Variants in ZNF215 observed in about 807,000 individuals in gnomAD.
ZNF215 encodes BWSCR2-associated zinc finger protein 2.
In ZNF215, 24 loss-of-function variants were observed where a neutral mutation model predicts 27.2. The ratio of observed to expected loss-of-function variants is 0.88; its 90% CI spans 0.64 to 1.24. The LOEUF is 1.24. Ranked by LOEUF, ZNF215 falls within the 50% of genes most tolerant of loss-of-function variation. ZNF215 has a pLI of 0.00. For synonymous variants in ZNF215, 210 were observed against 204.0 expected (o/e 1.03, Z -0.25); for missense variants, 675 against 605.7 (o/e 1.11, Z -1.20).
Position 6,943,235 on chromosome 11 carries a change from C to A in ZNF215, c.616+20C>A. On this transcript the variant is annotated intron_variant, in intron 5 of 6. Coordinates refer to ENST00000278319, the MANE Select transcript of ZNF215 (RefSeq NM_013250.4). ...GTAAAGGTGGTTTCTATATGTTTAC[C>A]TAATCTGTCCATTTAGTAATCTCTT... is the stretch of plus-strand genomic sequence containing the variant. The A allele has an allele frequency of 2.5e-6, 4 of 1,597,048 alleles. No individual in the cohort carries two copies. The highest frequency in any genetic ancestry group is 3.4e-6 in the Non-Finnish European group (4 of 1,173,480).
chr11:6,983,084 C>T (rs1433321746), intron 5 of ZNF215, among the ~76,000 whole-genome samples: 3 of 151,630 alleles, frequency 2.0e-5, no homozygotes, highest in Non-Finnish European at 2.9e-5. Flanking sequence ...ATATCACCAC[C>T]GATTCCACAG....
chr11:6,937,864 G>A (rs1014298653), intron 3 of ZNF215, among the ~76,000 whole-genome samples: 3 of 151,810 alleles, frequency 2.0e-5, no homozygotes, highest in African/African-American at 4.8e-5. Context: ...TGGGTCAATT[G>A]TCTAAATATA....
chr11:6,956,347 T>A lies in ZNF215; in HGVS notation c.1370T>A (p.Phe457Tyr), dbSNP rs776478167. The A allele has an allele frequency of 6.2e-7, 1 of 1,614,144 alleles. No individual in the cohort carries two copies. The highest frequency in any genetic ancestry group is 1.7e-5 in the Admixed American group (1 of 60,016). Reference protein sequence around the residue: ...SEDSNNPTLHFGNNFYQCVNC... With the variant: ...SEDSNNPTLHYGNNFYQCVNC... Reference sequence around the variant, plus strand: ...GACAGTAATAATCCAACACTCCATTTTGGAAACAATTTCTATCAATGTGTT... The same window carrying A: ...GACAGTAATAATCCAACACTCCATTATGGAAACAATTTCTATCAATGTGTT... The change falls in exon 7 of 7, where the codon TTT becomes TAT. Residue 457 changes from phenylalanine (F) to tyrosine (Y), a missense_variant. Phe to Tyr is a conservative substitution (Grantham distance 22). Coordinates refer to ENST00000278319, the MANE Select transcript of ZNF215 (RefSeq NM_013250.4).
chr11:6,975,445 C>A (rs1406265244), intron 5 of ZNF215, among the ~76,000 whole-genome samples: 2 of 151,922 alleles, frequency 1.3e-5, no homozygotes, highest in East Asian at 3.9e-4. Context: ...TCCCATTGTG[C>A]TATCCAATAG....
intron 1 of ZNF215, among the ~76,000 whole-genome samples, chr11:6,927,384 A>C (rs1849090980): frequency 6.6e-6 from 1 of 152,218 alleles, no homozygotes; most frequent in African/African-American, 2.4e-5. Flanking sequence ...TACCTCAAGC[A>C]GCTGTCCTAC....
chr11:6,955,741 G>C lies in ZNF215; in HGVS notation c.764G>C (p.Arg255Thr). 1 of 1,603,568 alleles carries C rather than the reference G, an allele frequency of 6.2e-7. No homozygotes were observed. Among genetic ancestry groups the C allele is most frequent in the Non-Finnish European group, 8.5e-7 (1 of 1,176,856 alleles). Reference protein sequence around the residue: ...EESSHGVIMTRLTESGHPSSD... With the variant: ...EESSHGVIMTTLTESGHPSSD... ...TCATCCCATGGAGTGATTATGACAA[G>C]GCTTACCGAAAGTGGACACCCTTCT... Residue 255 changes from arginine (R) to threonine (T), a missense_variant, in exon 7 of 7, where the codon AGG (arginine) becomes ACG (threonine). Arg to Thr is a moderately conservative substitution (Grantham distance 71). Coordinates refer to ENST00000278319, the MANE Select transcript of ZNF215 (RefSeq NM_013250.4).
At chr11:6,936,011 C>T (rs1849424213) in intron 3 of ZNF215, among the ~76,000 whole-genome samples, 2 of 151,972 alleles carry the variant, frequency 1.3e-5, no homozygotes, top group South Asian at 4.1e-4. Flanking sequence ...AAAAATACAA[C>T]ATACCAAAAC....
At chr11:6,932,717 ATG>A in intron 3 of ZNF215, 45 bp downstream of exon 3, 1 of 1,526,704 alleles carries the variant, frequency 6.6e-7, no homozygotes, top group Non-Finnish European at 8.8e-7. Flanking sequence ...GACCTTTCCC[ATG>A]TAAAGAGAAA....
intron 5 of ZNF215, among the ~76,000 whole-genome samples, chr11:6,974,945 G>A (rs1427150661): frequency 2.2e-5 from 2 of 92,248 alleles, no homozygotes; most frequent in Non-Finnish European, 5.2e-5. Flanking sequence ...TAGGAGTGGT[G>A]AGAGAGGGCA....
At chr11:6,928,869 C>G (rs1849156198) in intron 2 of ZNF215, among the ~76,000 whole-genome samples, 1 of 152,256 alleles carries the variant, frequency 6.6e-6, no homozygotes, top group African/African-American at 2.4e-5. Context: ...AAAAGTGGAG[C>G]TAATGAGGCC....
chr11:6,940,029 C>T (rs891465488), intron 3 of ZNF215, among the ~76,000 whole-genome samples: 3 of 151,056 alleles, frequency 2.0e-5, no homozygotes, highest in African/African-American at 7.3e-5. Context: ...TCAACACCAG[C>T]CTGGGCAGCA....
chr11:6,973,568 G>A (rs1850766973), intron 5 of ZNF215, among the ~76,000 whole-genome samples: 1 of 152,122 alleles, frequency 6.6e-6, no homozygotes, highest in Non-Finnish European at 1.5e-5. Context: ...GTTGTTTCCT[G>A]ACTTTTTAAT....
chr11:6,952,403 T>G (rs1432970670), intron 6 of ZNF215, among the ~76,000 whole-genome samples: 1 of 152,204 alleles, frequency 6.6e-6, no homozygotes, highest in Non-Finnish European at 1.5e-5. Context: ...ACTTGCTTTA[T>G]GAATCTGGGT....
At chr11:6,984,502 A>G (rs1431649124) in exon 6 of ZNF215, 1 of 153,154 alleles carries the variant, frequency 6.5e-6, no homozygotes, top group Non-Finnish European at 1.5e-5. Flanking sequence ...ATGCACACGA[A>G]AATGTATGCA....
chr11:6,993,714 G>A (rs1005862934), downstream of ZNF215, among the ~76,000 whole-genome samples: 2 of 152,118 alleles, frequency 1.3e-5, no homozygotes, highest in Non-Finnish European at 2.9e-5. Flanking sequence ...TGATTGGCTT[G>A]CCTAGATTTT....
rs897166913 is a variant in ZNF215, at chr11:6,932,497, A to G, written c.225A>G (p.Gln75=). 1.2e-5 allele frequency: 19 copies of G among 1,614,082 alleles called. No homozygotes were observed. Among genetic ancestry groups the G allele is most frequent in the Non-Finnish European group, 1.4e-5 (17 of 1,180,038 alleles). ...ALSQLWELCL[Q]WLRPEIHTKK... ...GCCAACTCTGGGAGCTCTGTCTTCA[A>G]TGGCTGAGACCAGAGATTCATACAA... The change falls in exon 3 of 7, where the codon CAA becomes CAG. Residue 75 remains glutamine (Q), a synonymous_variant. Transcript: ENST00000278319.
chr11:6,934,371 G>C (rs564217797), intron 3 of ZNF215, among the ~76,000 whole-genome samples: 1 of 152,276 alleles, frequency 6.6e-6, no homozygotes, highest in African/African-American at 2.4e-5. Flanking sequence ...GTGCTTATTT[G>C]TAGTGAGTTA....
downstream of ZNF215, among the ~76,000 whole-genome samples, chr11:6,958,391 A>AT (rs1227866236): frequency 6.6e-6 from 1 of 152,112 alleles, no homozygotes; most frequent in Non-Finnish European, 1.5e-5. Flanking sequence ...TAAAATACTT[A>AT]TTTTTTTCTC....
At chr11:6,987,759 A>C (rs1177783921), downstream of ZNF215, among the ~76,000 whole-genome samples, 1 of 152,170 alleles carries the variant, frequency 6.6e-6, no homozygotes. Flanking sequence ...TCTAGTAACC[A>C]GTCAGTTGTT....
Sources: gnomAD v4.1 joint callset for allele counts (sites outside exome capture counted in the v4.1 genomes callset) on GRCh38, gnomAD v4.1.1 for gene constraint, MANE v1.5 for transcripts, NCBI Gene and HGNC (gene_info 2026-07-23, HGNC 2026-07-21) for gene names.